PRKN: variants seen among roughly 807,000 people sequenced by gnomAD.
PRKN encodes the protein parkin RBR E3 ubiquitin protein ligase.
In PRKN, 56 loss-of-function variants were observed where a neutral mutation model predicts 59.5. The ratio of observed to expected loss-of-function variants is 0.94; its 90% confidence interval spans 0.76 to 1.18. PRKN has a LOEUF of 1.18. Ranked by LOEUF, PRKN falls within the 50% of genes most tolerant of loss-of-function variation. PRKN has a pLI of 0.00. For synonymous variants in PRKN, 250 were observed against 222.1 expected (o/e 1.13, Z -1.12); for missense variants, 657 against 596.4 (o/e 1.10, Z -1.06).
intron 6 of PRKN, among the ~76,000 whole-genome samples, chr6:161,786,655 C>G (rs1308514761): frequency 1.3e-5 from 2 of 151,840 alleles, no homozygotes; most frequent in African/African-American, 4.8e-5. Context: ...TCTGAATTTC[C>G]CCACTATCAA....
chr6:162,287,089 T>A (rs1781226264), intron 2 of PRKN, among the ~76,000 whole-genome samples: 1 of 152,176 alleles, frequency 6.6e-6, no homozygotes, highest in Admixed American at 6.5e-5. Context: ...CCAAAGGCTG[T>A]CCCATCTAAT....
intron 4 of PRKN, among the ~76,000 whole-genome samples, chr6:162,183,835 T>A (rs1241003600): frequency 6.6e-6 from 1 of 152,212 alleles, no homozygotes; most frequent in African/African-American, 2.4e-5. Flanking sequence ...AGTAACTTTT[T>A]TCCAGCTCTT....
chr6:161,697,745 C>A (rs532936324), intron 7 of PRKN, among the ~76,000 whole-genome samples: 2 of 152,042 alleles, frequency 1.3e-5, no homozygotes, highest in Admixed American at 1.3e-4. Context: ...TTCACCATGA[C>A]CTTTAAGTTG....
chr6:162,385,465 T>C (rs1786752273), intron 2 of PRKN, among the ~76,000 whole-genome samples: 1 of 152,204 alleles, frequency 6.6e-6, no homozygotes, highest in Admixed American at 6.5e-5. Flanking sequence ...TAGAGCTAAT[T>C]GCGGTGGCTT....
intron 9 of PRKN, among the ~76,000 whole-genome samples, chr6:161,441,900 G>C (rs2115090651): frequency 6.6e-6 from 1 of 152,150 alleles, no homozygotes. Flanking sequence ...TCTGGCGGCT[G>C]GCAAAGGGGC....
intron 7 of PRKN, among the ~76,000 whole-genome samples, chr6:161,761,710 C>T (rs1429774683): frequency 6.6e-6 from 1 of 152,164 alleles, no homozygotes; most frequent in Admixed American, 6.5e-5. Flanking sequence ...AACAGAGGTA[C>T]CAACTTCAGT....
chr6:161,712,563 T>A (rs776134155), intron 7 of PRKN, among the ~76,000 whole-genome samples: 1 of 152,224 alleles, frequency 6.6e-6, no homozygotes, highest in Non-Finnish European at 1.5e-5. Flanking sequence ...CATTTTTCAA[T>A]AGCACTAATT....
rs1278611357 is a variant in PRKN, at chr6:161,526,057, C to G, written c.1083+22797G>C. Among the ~76,000 whole-genome samples, 5 of 152,110 alleles carry G rather than the reference C, an allele frequency of 3.3e-5. No individual in the cohort carries two copies. The highest frequency in any genetic ancestry group is 5.9e-5 in the Non-Finnish European group (4 of 68,014). On this transcript the variant is annotated intron_variant, in intron 9 of 11. Transcript: ENST00000366898. The surrounding 1 kb of genome is among the most constrained non-coding windows in gnomAD (Gnocchi z 4.1). Reference sequence around the variant, plus strand: ...ATTGTGTATCTTCTAAAGACCACTGCTTGAATACAATTAAATGATCACTCA... The same window carrying G: ...ATTGTGTATCTTCTAAAGACCACTGGTTGAATACAATTAAATGATCACTCA...
At chr6:162,492,956 CAAAAAA>C (rs34716532) in intron 1 of PRKN, among the ~76,000 whole-genome samples, 18 of 110,348 alleles carry the variant, frequency 1.6e-4, no homozygotes, top group African/African-American at 5.4e-4. Flanking sequence ...TTGTCTCAAA[CAAAAAA>C]AAAAAAAAAA....
At chr6:161,798,247 G>A (rs1790933844) in intron 6 of PRKN, among the ~76,000 whole-genome samples, 1 of 152,208 alleles carries the variant, frequency 6.6e-6, no homozygotes, top group East Asian at 1.9e-4. Flanking sequence ...AAAAAAATGA[G>A]TTCAGGTGCA....
intron 11 of PRKN, among the ~76,000 whole-genome samples, chr6:161,358,160 C>T (rs192370741): frequency 6.6e-6 from 1 of 152,200 alleles, no homozygotes; most frequent in East Asian, 1.9e-4. Context: ...TTATATATTT[C>T]AGGTTAGTCC....
Position 161,526,051 on chromosome 6 carries a change from C to CCA in PRKN, c.1083+22801_1083+22802dup, listed in dbSNP as rs1350440908. Among the ~76,000 whole-genome samples, 14 of 152,082 alleles carry CCA rather than the reference C, an allele frequency of 9.2e-5. No individual in the cohort carries two copies. Among genetic ancestry groups the CCA allele is most frequent in the Admixed American group, 7.9e-4 (12 of 15,258 alleles). ...TTTAGTATTGTGTATCTTCTAAAGA[C>CCA]CACTGCTTGAATACAATTAAATGAT... is the stretch of plus-strand genomic sequence containing the variant. On this transcript the variant is annotated intron_variant, in intron 9 of 11. Transcript: ENST00000366898. The surrounding 1 kb of genome is among the most constrained non-coding windows in gnomAD (Gnocchi z 4.1).
intron 9 of PRKN, among the ~76,000 whole-genome samples, chr6:161,465,004 C>G (rs561190479): frequency 1.2e-4 from 19 of 152,188 alleles, no homozygotes; most frequent in African/African-American, 3.9e-4. Context: ...TTGTGGTCAA[C>G]AAAAGCGATA....
intron 6 of PRKN, among the ~76,000 whole-genome samples, chr6:161,867,026 C>G (rs1435129658): frequency 1.3e-5 from 2 of 152,084 alleles, no homozygotes; most frequent in Non-Finnish European, 2.9e-5. Context: ...AGTGAGGGGC[C>G]CACATGATGA....
chr6:162,140,929 C>G (rs1245421141), intron 4 of PRKN, among the ~76,000 whole-genome samples: 1 of 152,058 alleles, frequency 6.6e-6, no homozygotes. Flanking sequence ...GAGATCGAGA[C>G]CATCCTGGCT....
At position 161,446,411 on chromosome 6, in the gene PRKN, A is replaced by G. The variant is rs563239389; in HGVS notation, c.1084-59534T>C. On this transcript the variant is annotated intron_variant, in intron 9 of 11. Coordinates refer to ENST00000366898, the MANE Select transcript of PRKN (RefSeq NM_004562.3). The surrounding 1 kb of genome is among the most constrained non-coding windows in gnomAD (Gnocchi z 6.2). ...GAGACCCAAAGGGGCCTGGCTTGGG[A>G]CCTATGCAGCTGTGGGAGGGGAAAG... Among the ~76,000 whole-genome samples, 59 of 152,036 alleles carry G rather than the reference A, an allele frequency of 3.9e-4. 1 individual carries two copies. The highest frequency in any genetic ancestry group is 3.5e-3 in the Admixed American group (54 of 15,262).
At chr6:161,479,532 C>T (rs924278600) in intron 9 of PRKN, among the ~76,000 whole-genome samples, 2 of 152,158 alleles carry the variant, frequency 1.3e-5, no homozygotes, top group African/African-American at 4.8e-5. Context: ...ACCAGCAATG[C>T]TGGTTTCAGT....
intron 7 of PRKN, among the ~76,000 whole-genome samples, chr6:161,772,546 C>A (rs534524547): frequency 6.6e-6 from 1 of 152,170 alleles, no homozygotes; most frequent in Non-Finnish European, 1.5e-5. Context: ...GGATACAACA[C>A]TGACAGATGA....
chr6:161,445,636 A>T lies in PRKN; in HGVS notation c.1084-58759T>A, dbSNP rs1583077318. Among the ~76,000 whole-genome samples the T allele has an allele frequency of 6.6e-6, 1 of 152,274 alleles. No individual in the cohort carries two copies. Among genetic ancestry groups the T allele is most frequent in the South Asian group, 2.1e-4 (1 of 4,828 alleles). On this transcript the variant is annotated intron_variant, in intron 9 of 11. Transcript: ENST00000366898. This position sits in a 1 kb window ranked among gnomAD's most constrained non-coding sequence, Gnocchi z 7.7. ...TCCACCCGTGCTGCAGCTGAATGGG[A>T]TCGGTGCAGCATGATAGAGGCCAGC... is the stretch of plus-strand genomic sequence containing the variant.
Sources: allele counts gnomAD v4.1 joint callset (sites outside exome capture counted in the v4.1 genomes callset), GRCh38; gene constraint gnomAD v4.1.1; non-coding constraint Gnocchi (gnomAD v3.1); transcripts MANE v1.5; gene names NCBI Gene and HGNC (gene_info 2026-07-23, HGNC 2026-07-21).